Variants in KIAA1549 observed in about 807,000 individuals in gnomAD.
The protein encoded by KIAA1549 is KIAA1549.
Under a neutral mutation model 156.4 loss-of-function variants are expected in KIAA1549, and 70 were observed. The ratio of observed to expected loss-of-function variants is 0.45; its 90% CI spans 0.37 to 0.55. The LOEUF (loss-of-function observed/expected upper bound fraction) is 0.55, where lower values mean the gene tolerates loss of function less well. KIAA1549 is among the 20% of genes least tolerant of loss of function. KIAA1549 has a pLI of 0.00. For missense variants in KIAA1549, 2,428 were observed against 2,540.9 expected (o/e 0.96, Z 0.96); for synonymous variants, 1,103 against 1,066.4 (o/e 1.03, Z -0.67).
intron 1 of KIAA1549, among the ~76,000 whole-genome samples, chr7:138,958,335 G>A (rs748607876): frequency 6.6e-5 from 10 of 152,162 alleles, no homozygotes; most frequent in South Asian, 2.1e-4. Flanking sequence ...CAAGGGACGG[G>A]CAACTATCCC....
chr7:138,871,487 T>TGCA, intron 12 of KIAA1549, 125 bp from the exon 13 acceptor site: 1 of 717,976 alleles, frequency 1.4e-6, no homozygotes, highest in South Asian at 2.1e-5. Context: ...ACATCCCCAC[T>TGCA]GCAGTAGCAG....
At position 138,956,407 on chromosome 7, in the gene KIAA1549, C is replaced by T. The variant is rs189846020; in HGVS notation, c.187+24676G>A. Among the ~76,000 whole-genome samples the T allele has an allele frequency of 5.5e-4, 84 of 152,274 alleles. 1 individual carries two copies. Among genetic ancestry groups the T allele is most frequent in the African/African-American group, 1.9e-3 (81 of 41,564 alleles). Reference sequence around the variant, plus strand: ...ACTGAATTCACCAAGTGATATGGTTCGGCTGTGTCCCACCCAAATCTCATC... The same window carrying T: ...ACTGAATTCACCAAGTGATATGGTTTGGCTGTGTCCCACCCAAATCTCATC... On this transcript the variant is annotated intron_variant, in intron 1 of 19. Transcript: ENST00000422774.
At chr7:138,942,192 C>G (rs1260723567) in intron 1 of KIAA1549, among the ~76,000 whole-genome samples, 3 of 152,160 alleles carry the variant, frequency 2.0e-5, no homozygotes, top group South Asian at 4.1e-4. Context: ...GCTCTGGGCA[C>G]AGCACCACAC....
At chr7:138,975,471 T>C (rs181130546) in intron 1 of KIAA1549, among the ~76,000 whole-genome samples, 48 of 152,164 alleles carry the variant, frequency 3.2e-4, no homozygotes, top group Non-Finnish European at 5.7e-4. Context: ...ATCCAAGATG[T>C]TGACTTGATA....
At chr7:138,973,770 G>A (rs1339337363) in intron 1 of KIAA1549, among the ~76,000 whole-genome samples, 3 of 151,968 alleles carry the variant, frequency 2.0e-5, no homozygotes, top group Admixed American at 6.6e-5. Context: ...TCAGCCTCCC[G>A]AATAGCTGAG....
intron 17 of KIAA1549, among the ~76,000 whole-genome samples, chr7:138,849,087 A>G (rs575972970): frequency 6.6e-6 from 1 of 152,144 alleles, no homozygotes; most frequent in Non-Finnish European, 1.5e-5. Flanking sequence ...TGTCTGTAAG[A>G]TCTGGATTAA....
intron 1 of KIAA1549, among the ~76,000 whole-genome samples, chr7:138,946,299 G>C (rs898507732): frequency 6.6e-5 from 10 of 152,060 alleles, no homozygotes; most frequent in Non-Finnish European, 1.3e-4. Flanking sequence ...TTCTGCAGAG[G>C]AACCAGTGGC....
intron 17 of KIAA1549, among the ~76,000 whole-genome samples, chr7:138,845,851 T>C (rs1810058409): frequency 6.6e-6 from 1 of 152,202 alleles, no homozygotes. Context: ...TTTCTTGAAG[T>C]GACAGGCTCA....
At chr7:138,858,969 G>A (rs1225141347) in intron 16 of KIAA1549, among the ~76,000 whole-genome samples, 2 of 151,298 alleles carry the variant, frequency 1.3e-5, no homozygotes, top group South Asian at 4.2e-4. Flanking sequence ...TTGTGCCACT[G>A]CACTCCAGCC....
chr7:138,969,927 T>C (rs1814168334), intron 1 of KIAA1549, among the ~76,000 whole-genome samples: 1 of 152,196 alleles, frequency 6.6e-6, no homozygotes, highest in African/African-American at 2.4e-5. Context: ...CACATCAAGG[T>C]AAATGGTGCG....
intron 1 of KIAA1549, among the ~76,000 whole-genome samples, chr7:138,944,015 C>T (rs1309610473): frequency 1.3e-5 from 2 of 151,680 alleles, no homozygotes; most frequent in Non-Finnish European, 1.5e-5. Context: ...GGTCCTCCCA[C>T]CTCGCCCTCC....
chr7:138,900,079 C>T (rs1811798901), intron 8 of KIAA1549, among the ~76,000 whole-genome samples: 1 of 152,190 alleles, frequency 6.6e-6, no homozygotes, highest in African/African-American at 2.4e-5. Flanking sequence ...CTACATTTGC[C>T]ATTGGCAACA....
In KIAA1549 at chr7:138,981,333, G is replaced by T. The variant is rs1240581438; in HGVS notation, c.-64C>A. ...GCTCTCGGGTCCGGGAGGGGCGGCC[G>T]CTGCGGCTGCGGCTGGGACGGGGCG... On this transcript the variant is annotated 5_prime_UTR_variant, in exon 1 of 20. Transcript: ENST00000422774. This position sits in a 1 kb window ranked among gnomAD's most constrained non-coding sequence, Gnocchi z 4.5. The T allele has an allele frequency of 1.6e-6, 1 of 634,676 alleles. No individual in the cohort carries two copies. Among genetic ancestry groups the T allele is most frequent in the Non-Finnish European group, 2.0e-6 (1 of 512,458 alleles). 39.3% of individuals were successfully genotyped at this position (634,676 alleles called of 1,614,324 possible). A position where few individuals can be genotyped will look rare whatever the true frequency, so the allele number is the denominator to read the frequency against.
chr7:138,858,931 G>A (rs899771763), intron 16 of KIAA1549, among the ~76,000 whole-genome samples: 1 of 151,928 alleles, frequency 6.6e-6, no homozygotes, highest in Non-Finnish European at 1.5e-5. Flanking sequence ...GCGTGAACCC[G>A]GGAGGTGGAG....
intron 16 of KIAA1549, among the ~76,000 whole-genome samples, chr7:138,859,237 G>C (rs1408915304): frequency 6.6e-6 from 1 of 151,982 alleles, no homozygotes; most frequent in Non-Finnish European, 1.5e-5. Flanking sequence ...TTTCTAGAGG[G>C]AGCAGTTCTA....
chr7:138,888,499 G>A (rs1811461275), intron 10 of KIAA1549, among the ~76,000 whole-genome samples: 1 of 152,170 alleles, frequency 6.6e-6, no homozygotes, highest in South Asian at 2.1e-4. Context: ...ACTGGATTTA[G>A]ATCAACTACA....
intron 4 of KIAA1549, 74 bp downstream of exon 4, chr7:138,911,072 C>T: frequency 9.4e-7 from 1 of 1,067,968 alleles, no homozygotes; most frequent in South Asian, 1.9e-5. Context: ...AAAATGATTT[C>T]CAATATTTTA....
intron 19 of KIAA1549, among the ~76,000 whole-genome samples, chr7:138,838,459 G>A (rs185519355): frequency 6.6e-6 from 1 of 152,210 alleles, no homozygotes; most frequent in East Asian, 1.9e-4. Context: ...CCTCTGCCCT[G>A]GACTGGAGCC....
intron 8 of KIAA1549, among the ~76,000 whole-genome samples, chr7:138,902,294 C>T (rs1157738370): frequency 6.6e-6 from 1 of 152,086 alleles, no homozygotes; most frequent in Admixed American, 6.5e-5. Context: ...CAACACTTCC[C>T]GGCTCCTGCC....
Sources: allele counts gnomAD v4.1 joint callset (sites outside exome capture counted in the v4.1 genomes callset), GRCh38; gene constraint gnomAD v4.1.1; non-coding constraint Gnocchi (gnomAD v3.1); transcripts MANE v1.5; gene names NCBI Gene and HGNC (gene_info 2026-07-23, HGNC 2026-07-21).